The following UGT3A2 variants were observed in gnomAD, a reference collection of about 807,000 sequenced individuals.
UGT3A2 encodes the protein UDP-glycosyltransferase 3A2.
In UGT3A2, 32 loss-of-function variants were observed where a neutral mutation model predicts 39.8. The observed-to-expected ratio is 0.80, with a 90% CI of 0.61 to 1.08. The LOEUF (loss-of-function observed/expected upper bound fraction) is 1.08. Among genes scored for constraint, UGT3A2 ranks in the 50% least tolerant of loss-of-function variants. The probability of loss-of-function intolerance (pLI) is 0.00; values close to 1 mark genes in which losing one functional copy is unlikely to be tolerated. For missense variants in UGT3A2, 611 were observed against 637.1 expected (o/e 0.96, Z 0.44); for synonymous variants, 241 against 230.7 (o/e 1.04, Z -0.40).
At chr5:36,044,015 AC>A (rs1250214139) in intron 4 of UGT3A2, among the ~76,000 whole-genome samples, 1 of 152,078 alleles carries the variant, frequency 6.6e-6, no homozygotes, top group Non-Finnish European at 1.5e-5. Context: ...TTATACCAAA[AC>A]CAGACAAATA....
chr5:36,058,356 G>T (rs986567631), intron 2 of UGT3A2, among the ~76,000 whole-genome samples: 2 of 152,194 alleles, frequency 1.3e-5, no homozygotes, highest in Admixed American at 1.3e-4. Flanking sequence ...GTTATCAGGG[G>T]CTGAAGGTGG....
chr5:36,050,410 A>G (rs1233174133), intron 3 of UGT3A2, among the ~76,000 whole-genome samples: 8 of 152,240 alleles, frequency 5.3e-5, no homozygotes, highest in Admixed American at 4.6e-4. Flanking sequence ...TGCAAGGAAG[A>G]CTGAGATAAT....
intron 2 of UGT3A2, among the ~76,000 whole-genome samples, chr5:36,062,814 A>G (rs1742750710): frequency 6.6e-6 from 1 of 152,114 alleles, no homozygotes; most frequent in African/African-American, 2.4e-5. Context: ...CCAAGGCAGG[A>G]GGATTACCTG....
intron 2 of UGT3A2, among the ~76,000 whole-genome samples, chr5:36,061,374 A>C: frequency 7.1e-6 from 1 of 141,096 alleles, no homozygotes; most frequent in South Asian, 2.5e-4. Context: ...ATATCTCCCA[A>C]TGCTATCCCT....
chr5:36,043,452 C>G (rs752340338), intron 4 of UGT3A2, among the ~76,000 whole-genome samples: 1 of 151,716 alleles, frequency 6.6e-6, no homozygotes, highest in East Asian at 1.9e-4. Context: ...AAACAACCTA[C>G]GGATGCATCT....
intron 2 of UGT3A2, among the ~76,000 whole-genome samples, chr5:36,058,199 TA>T (rs546650596): frequency 6.6e-6 from 1 of 152,180 alleles, no homozygotes; most frequent in South Asian, 2.1e-4. Flanking sequence ...TATCCAGCCA[TA>T]AAAAAGTTCT....
At chr5:36,040,380 C>T (rs1309896720) in intron 4 of UGT3A2, among the ~76,000 whole-genome samples, 3 of 152,084 alleles carry the variant, frequency 2.0e-5, no homozygotes, top group African/African-American at 7.3e-5. Flanking sequence ...TAACAACTAT[C>T]CACAAGAAAA....
chr5:36,050,857 C>T lies in UGT3A2; in HGVS notation c.311+1013G>A, dbSNP rs550983496. Among the ~76,000 whole-genome samples the T allele has an allele frequency of 2.0e-4, 24 of 119,784 alleles. 1 individual carries two copies. The South Asian group carries it at 3.1e-3, about 15-fold the overall frequency. The allele number at this position is 119,784 out of a possible 152,430, so 78.6% of individuals were successfully genotyped here. On this transcript the variant is annotated intron_variant, in intron 3 of 6. Coordinates refer to ENST00000282507, the MANE Select transcript of UGT3A2 (RefSeq NM_174914.4). Reference sequence around the variant, plus strand: ...AGCCTGGGCAACAAGAGCAAAACTCCGTCTCAAAAAAAAAAAAGCCAGTAA... The same window carrying T: ...AGCCTGGGCAACAAGAGCAAAACTCTGTCTCAAAAAAAAAAAAGCCAGTAA...
chr5:36,064,311 A>G lies in UGT3A2; in HGVS notation c.134T>C (p.Ile45Thr), dbSNP rs1262957157. ...GACATTATGACCGTGATCTTGAAGAATCTGAGAAACCCGGTCCATCAGTAG... is the reference window on the plus strand; with the variant it reads ...GACATTATGACCGTGATCTTGAAGAGTCTGAGAAACCCGGTCCATCAGTAG... ...HYLLMDRVSQ[I>T]LQDHGHNVTM... Residue 45 changes from isoleucine (I) to threonine (T), a missense_variant, in exon 2 of 7, where the codon ATT becomes ACT. Coordinates refer to ENST00000282507, the MANE Select transcript of UGT3A2 (RefSeq NM_174914.4). 6.2e-7 allele frequency: 1 copy of G among 1,614,220 alleles called. No individual in the cohort carries two copies.
intron 2 of UGT3A2, among the ~76,000 whole-genome samples, chr5:36,059,625 T>C (rs76760792): frequency 0.048 from 7,266 of 152,236 alleles, 261 homozygotes; most frequent in East Asian, 0.12. Flanking sequence ...ATGTGGGAAC[T>C]GAGCACAAGG....
chr5:36,043,687 C>G (rs1167781656), intron 4 of UGT3A2, among the ~76,000 whole-genome samples: 1 of 151,090 alleles, frequency 6.6e-6, no homozygotes, highest in Non-Finnish European at 1.5e-5. Context: ...ACAACTGATG[C>G]TACAGAAATT....
intron 2 of UGT3A2, among the ~76,000 whole-genome samples, chr5:36,054,851 G>C (rs150816125): frequency 4.6e-5 from 7 of 152,222 alleles, no homozygotes; most frequent in Admixed American, 3.9e-4. Context: ...GTTTTCCTTC[G>C]TTTTTCATGA....
At chr5:36,037,716 C>G (rs967824132) in intron 6 of UGT3A2, 81 bp downstream of exon 6, 11 of 1,501,400 alleles carry the variant, frequency 7.3e-6, no homozygotes, top group Non-Finnish European at 1.0e-5. Context: ...AAAACAAAAC[C>G]AAAAAAACAG....
Position 36,039,620 on chromosome 5 carries a change from T to C in UGT3A2, c.932A>G (p.Glu311Gly), listed in dbSNP as rs771057116. ...GSMVNTCQNP[E>G]IFKEMNNAFA... ...GGCATTGTTCATCTCCTTGAAGATT[T>C]CCGGATTCTGACAGGTGTTCACCAT... The change falls in exon 5 of 7, where the codon GAA (glutamate) becomes GGA (glycine). Residue 311 changes from glutamate to glycine, a missense_variant. Physicochemically the swap from Glu to Gly is moderately conservative, Grantham distance 98. Transcript: ENST00000282507. 10 of 1,614,058 alleles carry C rather than the reference T, an allele frequency of 6.2e-6. No homozygotes were observed. In the African/African-American group the frequency reaches 9.3e-5, roughly 15 times the overall value.
Position 36,039,841 on chromosome 5 carries a change from C to A in UGT3A2, c.844-133G>T, listed in dbSNP as rs75588404. The A allele has an allele frequency of 1.2e-5, 8 of 687,590 alleles. No homozygotes were observed. The African/African-American group carries it at 1.4e-4, about 12-fold the overall frequency. 42.6% of individuals were successfully genotyped at this position (687,590 alleles called of 1,614,324 possible). A position where few individuals can be genotyped will look rare whatever the true frequency, so the allele number is the denominator to read the frequency against. The stretch of plus-strand genomic sequence containing the variant: ...TGTCCCAAAGCTATTATTATAGCTC[C>A]TAGTATAGCTCGATACTAGCTGCAC... On this transcript the variant is annotated intron_variant, in intron 4 of 6. Transcript: ENST00000282507.
At chr5:36,042,542 A>G (rs970177305) in intron 4 of UGT3A2, among the ~76,000 whole-genome samples, 3 of 152,206 alleles carry the variant, frequency 2.0e-5, no homozygotes, top group African/African-American at 7.2e-5. Flanking sequence ...CTTACTTACA[A>G]ATAATAACAT....
At chr5:36,046,436 A>T (rs1255205640) in intron 4 of UGT3A2, among the ~76,000 whole-genome samples, 1 of 152,244 alleles carries the variant, frequency 6.6e-6, no homozygotes, top group Non-Finnish European at 1.5e-5. Context: ...GCCATAAAAA[A>T]CAAAGGGATC....
At chr5:36,040,359 G>A (rs1269202614) in intron 4 of UGT3A2, among the ~76,000 whole-genome samples, 2 of 151,974 alleles carry the variant, frequency 1.3e-5, no homozygotes, top group East Asian at 3.9e-4. Flanking sequence ...CCCCCCGAAG[G>A]AATACCAAAT....
intron 2 of UGT3A2, among the ~76,000 whole-genome samples, chr5:36,055,872 G>A (rs1742493788): frequency 6.6e-6 from 1 of 152,136 alleles, no homozygotes; most frequent in Non-Finnish European, 1.5e-5. Context: ...AGATAGTGAT[G>A]ATCCTCTGTT....
Sources: allele counts gnomAD v4.1 joint callset (sites outside exome capture counted in the v4.1 genomes callset), GRCh38; gene constraint gnomAD v4.1.1; transcripts MANE v1.5; gene names NCBI Gene and HGNC (gene_info 2026-07-23, HGNC 2026-07-21).